ANKRD13C: variants seen among roughly 807,000 people sequenced by gnomAD.
The protein encoded by ANKRD13C is ankyrin repeat domain 13C.
A neutral mutation model predicts 65.5 loss-of-function variants in ANKRD13C; 16 were observed. The ratio of observed to expected loss-of-function variants is 0.24; its 90% CI spans 0.17 to 0.37. The LOEUF (loss-of-function observed/expected upper bound fraction) is 0.37. ANKRD13C is among the 10% of genes least tolerant of loss of function. ANKRD13C has a pLI of 1.00. For missense variants in ANKRD13C, 503 were observed against 655.9 expected (o/e 0.77, Z 2.55); for synonymous variants, 235 against 238.7 (o/e 0.98, Z 0.14).
intron 6 of ANKRD13C, among the ~76,000 whole-genome samples, chr1:70,304,618 C>T (rs1356633717): frequency 1.3e-5 from 2 of 151,990 alleles, no homozygotes; most frequent in East Asian, 1.9e-4. Flanking sequence ...AGGCTGGTCT[C>T]GAACTCCAGG....
intron 10 of ANKRD13C, among the ~76,000 whole-genome samples, chr1:70,276,128 T>C (rs1679124689): frequency 1.3e-5 from 2 of 151,996 alleles, no homozygotes; most frequent in South Asian, 4.1e-4. Flanking sequence ...AAGGAAATAA[T>C]GGTTGGCCAG....
At chr1:70,283,759 G>T (rs1325149637) in intron 9 of ANKRD13C, among the ~76,000 whole-genome samples, 1 of 151,918 alleles carries the variant, frequency 6.6e-6, no homozygotes, top group African/African-American at 2.4e-5. Context: ...AGTGAGCTGA[G>T]ATCACGCCAT....
chr1:70,342,558 A>G (rs944306139), intron 1 of ANKRD13C, among the ~76,000 whole-genome samples: 4 of 152,180 alleles, frequency 2.6e-5, no homozygotes, highest in African/African-American at 9.7e-5. Flanking sequence ...GAATAAAAAA[A>G]AGAAGAGACG....
At chr1:70,300,730 AT>A in intron 7 of ANKRD13C, 33 bp downstream of exon 7, 1 of 1,521,162 alleles carries the variant, frequency 6.6e-7, no homozygotes, top group South Asian at 1.3e-5. Context: ...TTTTTTAATG[AT>A]TTAAAGGAAT....
intron 1 of ANKRD13C, among the ~76,000 whole-genome samples, chr1:70,344,941 G>T (rs991970876): frequency 4.6e-5 from 7 of 151,754 alleles, no homozygotes; most frequent in African/African-American, 1.7e-4. Flanking sequence ...ACAAATAAGT[G>T]ACATGAGCAG....
At chr1:70,313,474 A>G (rs1383570069) in intron 5 of ANKRD13C, among the ~76,000 whole-genome samples, 1 of 151,634 alleles carries the variant, frequency 6.6e-6, no homozygotes, top group African/African-American at 2.4e-5. Context: ...AGGCTGTAGT[A>G]AGCTATGATC....
chr1:70,262,958 A>AAAAAAAAAAAAAAAAAAAC (rs1678450469), intron 12 of ANKRD13C, 111 bp from the exon 13 acceptor site: 1 of 901,096 alleles, frequency 1.1e-6, no homozygotes, highest in Non-Finnish European at 1.6e-6. Flanking sequence ...AAAAAAAAAA[A>AAAAAAAAAAAAAAAAAAAC]AATACTCAAG....
At chr1:70,339,346 T>A in intron 1 of ANKRD13C, among the ~76,000 whole-genome samples, 1 of 142,602 alleles carries the variant, frequency 7.0e-6, no homozygotes. Flanking sequence ...AGACAGAGTC[T>A]CCCTCTTGTC....
chr1:70,337,661 A>G (rs1251852424), intron 1 of ANKRD13C, among the ~76,000 whole-genome samples: 1 of 152,236 alleles, frequency 6.6e-6, no homozygotes, highest in Non-Finnish European at 1.5e-5. Flanking sequence ...ACCCTGGATT[A>G]CAGAAAATCT....
At chr1:70,336,304 C>CA (rs973507196) in intron 1 of ANKRD13C, among the ~76,000 whole-genome samples, 8 of 151,470 alleles carry the variant, frequency 5.3e-5, no homozygotes, top group African/African-American at 1.9e-4. Flanking sequence ...CCAACCCCTC[C>CA]AAAAAAAAGG....
intron 5 of ANKRD13C, among the ~76,000 whole-genome samples, chr1:70,312,641 C>T (rs866109032): frequency 1.4e-5 from 2 of 146,652 alleles, no homozygotes; most frequent in Non-Finnish European, 3.0e-5. Context: ...CGTGCCTGGG[C>T]GACAGAGTGA....
rs571348769 is a variant in ANKRD13C, at chr1:70,323,405, G to T, written c.577+1448C>A. Among the ~76,000 whole-genome samples the T allele has an allele frequency of 3.9e-5, 6 of 152,198 alleles. No individual in the cohort carries two copies. The South Asian group carries it at 1.0e-3, about 26-fold the overall frequency. On this transcript the variant is annotated intron_variant, in intron 3 of 12. Coordinates refer to ENST00000370944, the MANE Select transcript of ANKRD13C (RefSeq NM_030816.5). Reference sequence around the variant, plus strand: ...CATGCCTGTAATCCTAGCACTTTGGGAGGCCAAGGTGGGCGGATCACGTGG... The same window carrying T: ...CATGCCTGTAATCCTAGCACTTTGGTAGGCCAAGGTGGGCGGATCACGTGG...
intron 11 of ANKRD13C, among the ~76,000 whole-genome samples, chr1:70,271,932 AC>A (rs1239296020): frequency 3.3e-5 from 5 of 152,194 alleles, no homozygotes; most frequent in African/African-American, 1.2e-4. Flanking sequence ...AATCTCTTCT[AC>A]TGAATTCACC....
Position 70,354,336 on chromosome 1 carries a change from G to T in ANKRD13C, c.73C>A (p.Pro25Thr), listed in dbSNP as rs1385630101. The T allele has an allele frequency of 6.2e-7, 1 of 1,614,028 alleles. No homozygotes were observed. The highest frequency in any genetic ancestry group is 8.5e-7 in the Non-Finnish European group (1 of 1,180,048). Reference sequence around the variant, plus strand: ...GCAGCCGCCGCTTCCTCATCCCCGGGCTCCAGCAGGTCCCCTTCTTCTTTG... The same window carrying T: ...GCAGCCGCCGCTTCCTCATCCCCGGTCTCCAGCAGGTCCCCTTCTTCTTTG... ...PSKEEGDLLE[P>T]GDEEAAAALG... The change falls in exon 1 of 13, where the codon CCC becomes ACC. Residue 25 changes from proline to threonine, a missense_variant. Physicochemically the swap from Pro to Thr is conservative, Grantham distance 38. Coordinates refer to ENST00000370944, the MANE Select transcript of ANKRD13C (RefSeq NM_030816.5).
intron 1 of ANKRD13C, among the ~76,000 whole-genome samples, chr1:70,349,989 C>T (rs567111922): frequency 1.3e-5 from 2 of 151,980 alleles, no homozygotes; most frequent in Admixed American, 6.6e-5. Flanking sequence ...TACAAAAATA[C>T]AAAAATTAGC....
chr1:70,309,712 TCG>T (rs1680758595), intron 5 of ANKRD13C, among the ~76,000 whole-genome samples: 3 of 127,542 alleles, frequency 2.4e-5, no homozygotes, highest in Admixed American at 1.7e-4. Flanking sequence ...CCAGACTCCG[TCG>T]CAAAAAAAAA....
At chr1:70,268,008 G>A (rs955207163) in intron 12 of ANKRD13C, among the ~76,000 whole-genome samples, 4 of 152,178 alleles carry the variant, frequency 2.6e-5, no homozygotes, top group African/African-American at 9.7e-5. Flanking sequence ...AAAGATTAAA[G>A]CAAGTGCTGG....
At chr1:70,294,222 A>G (rs1395374371) in intron 8 of ANKRD13C, among the ~76,000 whole-genome samples, 3 of 152,244 alleles carry the variant, frequency 2.0e-5, no homozygotes, top group Non-Finnish European at 4.4e-5. Context: ...TATTATTATG[A>G]GCTCATATTT....
chr1:70,311,136 G>A (rs1572108517), intron 5 of ANKRD13C, among the ~76,000 whole-genome samples: 1 of 152,200 alleles, frequency 6.6e-6, no homozygotes, highest in African/African-American at 2.4e-5. Flanking sequence ...AAAGTATTAT[G>A]TAGCTGTTAA....
Sources: allele counts gnomAD v4.1 joint callset (sites outside exome capture counted in the v4.1 genomes callset), GRCh38; gene constraint gnomAD v4.1.1; transcripts MANE v1.5; gene names NCBI Gene and HGNC (gene_info 2026-07-23, HGNC 2026-07-21).